Variants in TPD52 observed in about 807,000 individuals in gnomAD.
TPD52 encodes tumor protein D52.
Under a neutral mutation model 31.3 loss-of-function variants are expected in TPD52, and 17 were observed. The ratio of observed to expected loss-of-function variants is 0.54; its 90% CI spans 0.37 to 0.82. TPD52 has a LOEUF of 0.82. TPD52 is among the 40% of genes least tolerant of loss of function. The probability of loss-of-function intolerance (pLI) is 0.00; values close to 1 mark genes in which losing one functional copy is unlikely to be tolerated. For missense variants in TPD52, 212 were observed against 240.1 expected (o/e 0.88, Z 0.77); for synonymous variants, 83 against 89.6 (o/e 0.93, Z 0.42).
At chr8:80,044,354 C>A in intron 5 of TPD52, 146 bp from the exon 6 acceptor site, 3 of 651,190 alleles carry the variant, frequency 4.6e-6, no homozygotes, top group Non-Finnish European at 5.3e-6. Context: ...TGGAGGGGAT[C>A]AAAGTTATTC....
chr8:80,043,149 G>A (rs1256157918), intron 6 of TPD52, among the ~76,000 whole-genome samples: 1 of 152,256 alleles, frequency 6.6e-6, no homozygotes, highest in South Asian at 2.1e-4. Context: ...CAATATCAGG[G>A]AGCAGCATAA....
chr8:80,038,205 C>T lies in TPD52; in HGVS notation c.535G>A (p.Gly179Ser). 1 of 1,614,032 alleles carries T rather than the reference C, an allele frequency of 6.2e-7. No homozygotes were observed. Among genetic ancestry groups the T allele is most frequent in the African/African-American group, 1.3e-5 (1 of 75,000 alleles). ...GAATTCAAGACTTCTCCAAAATCAC[C>T]ACCAGCAGGCTTGGTTCCCCCTACT... The part of the protein sequence containing the change: ...SKVGGTKPAG[G>S]DFGEVLNSAA... The change falls in exon 8 of 8, where the codon GGT becomes AGT. Residue 179 changes from glycine (G) to serine (S), a missense_variant. Coordinates refer to ENST00000518937, the MANE Select transcript of TPD52 (RefSeq NM_001025253.3).
intron 1 of TPD52, among the ~76,000 whole-genome samples, chr8:80,073,061 C>T (rs997190436): frequency 2.6e-5 from 4 of 151,372 alleles, no homozygotes; most frequent in African/African-American, 9.7e-5. Flanking sequence ...CCGAGATCAC[C>T]CACTGCACTC....
intron 1 of TPD52, among the ~76,000 whole-genome samples, chr8:80,164,024 C>CAGAGAG (rs58566558): frequency 1.7e-4 from 19 of 110,310 alleles, no homozygotes; most frequent in Middle Eastern, 4.4e-3. Flanking sequence ...GAGAGAGAGA[C>CAGAGAG]AGAGAGAGAG....
rs1586286465 is a variant in TPD52 at position 80,094,468 on chromosome 8, A to ATATATG, written c.20-29876_20-29875insCATATA. ...TATATATATATATATATATATATATATATATATATATATATATGTATGTAT... is the reference window on the plus strand; with the variant it reads ...TATATATATATATATATATATATATATATATGTATATATATATATATATGTATGTAT... On this transcript the variant is annotated intron_variant, in intron 1 of 7. Transcript: ENST00000518937. 1.0e-4 allele frequency among the ~76,000 whole-genome samples: 12 copies of ATATATG among 115,938 alleles called. No homozygotes were observed. The East Asian group carries it at 3.0e-3, about 29-fold the overall frequency. 76.1% of individuals were successfully genotyped at this position (115,938 alleles called of 152,430 possible). A position where few individuals can be genotyped will look rare whatever the true frequency, so the allele number is the denominator to read the frequency against.
intron 1 of TPD52, among the ~76,000 whole-genome samples, chr8:80,116,435 CA>C (rs1807867582): frequency 6.7e-6 from 1 of 149,306 alleles, no homozygotes. Flanking sequence ...TAGAAAGACA[CA>C]AAATCCTGAA....
intron 1 of TPD52, among the ~76,000 whole-genome samples, chr8:80,073,549 A>G (rs982389512): frequency 6.6e-6 from 1 of 152,214 alleles, no homozygotes; most frequent in African/African-American, 2.4e-5. Flanking sequence ...CTTGGCCTTC[A>G]TGCTCCAATC....
At chr8:80,137,916 C>T (rs749385768) in intron 1 of TPD52, among the ~76,000 whole-genome samples, 13 of 151,924 alleles carry the variant, frequency 8.6e-5, no homozygotes, top group African/African-American at 2.7e-4. Context: ...CCAGCCTGAG[C>T]GACAGAATGA....
At chr8:80,069,323 G>A (rs192353533) in intron 1 of TPD52, among the ~76,000 whole-genome samples, 3 of 151,966 alleles carry the variant, frequency 2.0e-5, no homozygotes, top group South Asian at 2.1e-4. Context: ...ACCATTAGCC[G>A]GGTATAGTGG....
intron 1 of TPD52, among the ~76,000 whole-genome samples, chr8:80,152,887 GTGATTAAGAACCTGAATAT>G (rs1810681996): frequency 1.3e-5 from 2 of 151,848 alleles, no homozygotes; most frequent in Non-Finnish European, 2.9e-5. Flanking sequence ...GTAAATGCTT[GTGATTAAGAACCTGAATAT>G]CAACTTGACG....
intron 1 of TPD52, among the ~76,000 whole-genome samples, chr8:80,065,236 T>C (rs1812988433): frequency 1.3e-5 from 2 of 151,060 alleles, no homozygotes; most frequent in African/African-American, 4.9e-5. Flanking sequence ...ATCATATATA[T>C]ATATGATGAT....
intron 1 of TPD52, among the ~76,000 whole-genome samples, chr8:80,156,925 G>A (rs576059295): frequency 6.6e-6 from 1 of 152,122 alleles, no homozygotes; most frequent in East Asian, 1.9e-4. Context: ...GGGAGGGCTG[G>A]TACAATGGAT....
intron 2 of TPD52, 71 bp from the exon 3 acceptor site, chr8:80,053,501 C>T: frequency 1.3e-6 from 2 of 1,490,182 alleles, no homozygotes; most frequent in African/African-American, 2.8e-5. Flanking sequence ...TACCACAGAA[C>T]TACATCCAAA....
At chr8:80,055,554 A>G (rs1811788422) in intron 2 of TPD52, among the ~76,000 whole-genome samples, 1 of 152,220 alleles carries the variant, frequency 6.6e-6, no homozygotes, top group African/African-American at 2.4e-5. Context: ...AAACAAAAAT[A>G]GACAAATGGG....
At chr8:80,107,985 G>C (rs552498498) in intron 1 of TPD52, among the ~76,000 whole-genome samples, 1 of 152,176 alleles carries the variant, frequency 6.6e-6, no homozygotes, top group African/African-American at 2.4e-5. Flanking sequence ...ATGCACGTCA[G>C]TCATGGAAGT....
intron 1 of TPD52, among the ~76,000 whole-genome samples, chr8:80,170,667 T>A (rs1483017097): frequency 1.3e-5 from 2 of 152,182 alleles, no homozygotes; most frequent in East Asian, 3.9e-4. Context: ...CTGCGTACAG[T>A]CACAGGCTTA....
At chr8:80,140,882 C>A (rs1460620968) in intron 1 of TPD52, among the ~76,000 whole-genome samples, 6 of 151,820 alleles carry the variant, frequency 4.0e-5, no homozygotes, top group Non-Finnish European at 8.8e-5. Flanking sequence ...ACTCAACAAT[C>A]TCAGGAAGTT....
intron 1 of TPD52, among the ~76,000 whole-genome samples, chr8:80,154,735 ACACACAC>A (rs1810818861): frequency 7.1e-6 from 1 of 141,552 alleles, no homozygotes; most frequent in Non-Finnish European, 1.5e-5. Context: ...ACACACACAC[ACACACAC>A]ACACACACAC....
intron 1 of TPD52, among the ~76,000 whole-genome samples, chr8:80,109,535 T>C (rs1807362924): frequency 1.3e-5 from 2 of 152,094 alleles, no homozygotes; most frequent in East Asian, 3.9e-4. Context: ...ACCTCCTGAG[T>C]AGCTGGGATT....
Sources: gnomAD v4.1 joint callset for allele counts (sites outside exome capture counted in the v4.1 genomes callset) on GRCh38, gnomAD v4.1.1 for gene constraint, MANE v1.5 for transcripts, NCBI Gene and HGNC (gene_info 2026-07-23, HGNC 2026-07-21) for gene names.